Variants in PPIL3 observed in about 807,000 individuals in gnomAD.
PPIL3 encodes the protein peptidylprolyl isomerase like 3.
Under a neutral mutation model 20.9 loss-of-function variants are expected in PPIL3, and 13 were observed. That is an observed-to-expected ratio of 0.62 (90% confidence interval 0.40 to 0.99). The LOEUF (loss-of-function observed/expected upper bound fraction) is 0.99, where lower values mean the gene tolerates loss of function less well. PPIL3 is among the 50% of genes least tolerant of loss of function. The pLI is 0.00. For missense variants in PPIL3, 170 were observed against 195.2 expected (o/e 0.87, Z 0.77); for synonymous variants, 71 against 64.4 (o/e 1.10, Z -0.49).
chr2:200,880,409 CT>C (rs779189285), intron 5 of PPIL3, among the ~76,000 whole-genome samples: 268 of 131,688 alleles, frequency 2.0e-3, no homozygotes, highest in Middle Eastern at 7.6e-3. Flanking sequence ...ATTGAGTAGA[CT>C]TTTTTTTTTT....
intron 5 of PPIL3, among the ~76,000 whole-genome samples, chr2:200,878,894 A>G (rs1194583715): frequency 1.3e-5 from 2 of 152,180 alleles, no homozygotes; most frequent in Non-Finnish European, 1.5e-5. Flanking sequence ...ATATACTACA[A>G]TTTATCCACA....
rs772086708 is a variant in PPIL3, at chr2:200,871,491, C to T, written c.390G>A (p.Glu130=). The stretch of plus-strand genomic sequence containing the variant: ...TCTCATTTACTGGCAACTTCTCCAA[C>T]TCATCTAGAGTTTCCAGACCATCTA... ...KVIDGLETLD[E]LEKLPVNEKT... is the part of the protein sequence containing the mutation. The change falls in exon 7 of 7, where the codon GAG becomes GAA. Residue 130 remains glutamate, a synonymous_variant. Coordinates refer to ENST00000392283, the MANE Select transcript of PPIL3 (RefSeq NM_130906.3). 2.5e-6 allele frequency: 4 copies of T among 1,612,892 alleles called. No individual in the cohort carries two copies. Among genetic ancestry groups the T allele is most frequent in the Non-Finnish European group, 3.4e-6 (4 of 1,179,034 alleles).
chr2:200,888,946 T>C lies in PPIL3; in HGVS notation c.-71+10A>G. ...AAGTGAATGAAAGAATTAATGACGTTACTCCATACTTGGGCTTCACCACTT... is the reference window on the plus strand; with the variant it reads ...AAGTGAATGAAAGAATTAATGACGTCACTCCATACTTGGGCTTCACCACTT... On this transcript the variant is annotated intron_variant, in intron 1 of 6. Transcript: ENST00000392283. 1 of 471,234 alleles carries C rather than the reference T, an allele frequency of 2.1e-6. No homozygotes were observed. The highest frequency in any genetic ancestry group is 4.4e-6 in the Non-Finnish European group (1 of 227,064). 29.2% of individuals were successfully genotyped at this position (471,234 alleles called of 1,614,324 possible).
intron 5 of PPIL3, among the ~76,000 whole-genome samples, chr2:200,878,313 T>C (rs904337464): frequency 6.6e-6 from 1 of 152,052 alleles, no homozygotes; most frequent in Non-Finnish European, 1.5e-5. Flanking sequence ...CATATATCCA[T>C]GTGCTCCTCT....
At chr2:200,887,379 C>CAAAAAA (rs770510276) in intron 2 of PPIL3, among the ~76,000 whole-genome samples, 4 of 50,786 alleles carry the variant, frequency 7.9e-5, no homozygotes, top group African/African-American at 1.3e-4. Context: ...GAGTGAAACT[C>CAAAAAA]AAAAAAAAAA....
intron 6 of PPIL3, among the ~76,000 whole-genome samples, chr2:200,875,312 G>T (rs1174336435): frequency 6.6e-6 from 1 of 151,870 alleles, no homozygotes; most frequent in Non-Finnish European, 1.5e-5. Flanking sequence ...TTTGTCACCA[G>T]GCTGGAGTGC....
At chr2:200,881,517 A>T (rs2039724192) in intron 4 of PPIL3, 29 bp from the exon 5 acceptor site, 1 of 1,578,596 alleles carries the variant, frequency 6.3e-7, no homozygotes, top group Non-Finnish European at 8.7e-7. Flanking sequence ...AAATCAAAAG[A>T]AGTATTTAAT....
In PPIL3 at chr2:200,881,056, AG is replaced by A. The variant is rs1331856572; in HGVS notation, c.240+364del. 7.9e-5 allele frequency among the ~76,000 whole-genome samples: 12 copies of A among 152,336 alleles called. No individual in the cohort carries two copies. In the East Asian group the frequency reaches 2.3e-3, roughly 29 times the overall value. The stretch of plus-strand genomic sequence containing the variant: ...ACTGATAATGGGCAACATTGCAACC[AG>A]GAAGTTTGATAGTCTTTCCTCCCCA... On this transcript the variant is annotated intron_variant, in intron 5 of 6. Coordinates refer to ENST00000392283, the MANE Select transcript of PPIL3 (RefSeq NM_130906.3).
chr2:200,873,974 G>A (rs2039410564), intron 6 of PPIL3, among the ~76,000 whole-genome samples: 1 of 151,808 alleles, frequency 6.6e-6, no homozygotes, highest in African/African-American at 2.4e-5. Flanking sequence ...GGGAGGCCAA[G>A]GCGGGCGGAT....
At chr2:200,876,566 G>A (rs1030829814) in intron 6 of PPIL3, among the ~76,000 whole-genome samples, 2 of 148,194 alleles carry the variant, frequency 1.3e-5, no homozygotes, top group Non-Finnish European at 3.0e-5. Flanking sequence ...CGCCCAGGCT[G>A]GAGTGCAATG....
chr2:200,876,892 A>C (rs1400804588), intron 6 of PPIL3, 27 bp downstream of exon 6: 2 of 1,509,620 alleles, frequency 1.3e-6, no homozygotes, highest in South Asian at 2.3e-5. Context: ...TGAAATGCTA[A>C]AAGAAAACCA....
At chr2:200,884,878 AC>A (rs2039871914) in intron 3 of PPIL3, 1 of 152,062 alleles carries the variant, frequency 6.6e-6, no homozygotes, top group African/African-American at 2.4e-5. Context: ...AGCCTGGTCA[AC>A]ATGGTGAAAC....
chr2:200,888,054 CAAAAAA>C (rs59288201), intron 1 of PPIL3, among the ~76,000 whole-genome samples: 10 of 103,070 alleles, frequency 9.7e-5, no homozygotes, highest in Non-Finnish European at 1.7e-4. Flanking sequence ...GAGACTCCGT[CAAAAAA>C]AAAAAAAAAA....
intron 5 of PPIL3, among the ~76,000 whole-genome samples, 182 bp downstream of exon 5, chr2:200,881,239 A>G (rs573801248): frequency 2.0e-4 from 30 of 152,302 alleles, no homozygotes; most frequent in African/African-American, 6.0e-4. Context: ...TCCAGTACAC[A>G]TGTCAGGCTA....
chr2:200,887,502 C>A, intron 2 of PPIL3, 111 bp downstream of exon 2: 4 of 621,952 alleles, frequency 6.4e-6, no homozygotes, highest in Non-Finnish European at 1.1e-5. Context: ...CTATATTATA[C>A]AATTTCTCCA....
chr2:200,887,241 C>G (rs1472848560), intron 2 of PPIL3, among the ~76,000 whole-genome samples: 2 of 151,890 alleles, frequency 1.3e-5, no homozygotes, highest in African/African-American at 4.8e-5. Flanking sequence ...AAAAAATTAG[C>G]TGGGCGTGGT....
At chr2:200,874,083 T>A (rs2039420795) in intron 6 of PPIL3, among the ~76,000 whole-genome samples, 1 of 151,270 alleles carries the variant, frequency 6.6e-6, no homozygotes, top group Admixed American at 6.6e-5. Context: ...CGGGCGCCTG[T>A]AGTCCCAGCT....
intron 3 of PPIL3, among the ~76,000 whole-genome samples, chr2:200,882,883 G>C (rs538831634): frequency 2.2e-4 from 32 of 147,400 alleles, no homozygotes; most frequent in African/African-American, 8.0e-4. Flanking sequence ...CCGGGCGACA[G>C]AGACTCCGTC....
At chr2:200,873,484 C>A (rs1559334569) in intron 6 of PPIL3, among the ~76,000 whole-genome samples, 1 of 152,084 alleles carries the variant, frequency 6.6e-6, no homozygotes, top group African/African-American at 2.4e-5. Flanking sequence ...GCCACCACGT[C>A]TGGCCTAATT....
Sources: allele counts gnomAD v4.1 joint callset (sites outside exome capture counted in the v4.1 genomes callset), GRCh38; gene constraint gnomAD v4.1.1; transcripts MANE v1.5; gene names NCBI Gene and HGNC (gene_info 2026-07-23, HGNC 2026-07-21).